Variants in CA10 observed in about 807,000 individuals in gnomAD.
CA10 encodes carbonic anhydrase-related protein 10.
Under a neutral mutation model 44.2 loss-of-function variants are expected in CA10, and 14 were observed. The ratio of observed to expected loss-of-function variants is 0.32; its 90% confidence interval spans 0.21 to 0.50. CA10 has a LOEUF of 0.50. Among genes scored for constraint, CA10 ranks in the 20% least tolerant of loss-of-function variants. The pLI is 0.99. For missense variants in CA10, 350 were observed against 409.7 expected (o/e 0.85, Z 1.26); for synonymous variants, 159 against 141.6 (o/e 1.12, Z -0.87).
At chr17:52,109,422 A>G (rs1988743008) in intron 1 of CA10, among the ~76,000 whole-genome samples, 1 of 152,228 alleles carries the variant, frequency 6.6e-6, no homozygotes, top group Non-Finnish European at 1.5e-5. Context: ...TTTGAGTTTG[A>G]TTCTGCACTA....
At chr17:51,931,311 T>A (rs1309117966) in intron 2 of CA10, among the ~76,000 whole-genome samples, 179 bp from the exon 3 acceptor site, 1 of 152,148 alleles carries the variant, frequency 6.6e-6, no homozygotes, top group African/African-American at 2.4e-5. Flanking sequence ...TCCACTTCTC[T>A]AAGTCTTACC....
chr17:51,867,553 C>T (rs995635580), intron 3 of CA10, among the ~76,000 whole-genome samples: 11 of 152,112 alleles, frequency 7.2e-5, no homozygotes, highest in Admixed American at 2.0e-4. Flanking sequence ...AGAATTAAAG[C>T]GATGTTGCAG....
At chr17:51,720,618 A>G (rs1325968477) in intron 4 of CA10, among the ~76,000 whole-genome samples, 2 of 152,214 alleles carry the variant, frequency 1.3e-5, no homozygotes, top group African/African-American at 2.4e-5. Flanking sequence ...TTGCAACAAC[A>G]TGGATGGAAC....
Position 51,653,628 on chromosome 17 carries a change from G to A in CA10, c.561+13C>T, listed in dbSNP as rs374627558. ...GGGATGGTGAGAAGAATGAAGGAAT[G>A]CAAGAGACTTACTTTTATAAATATA... On this transcript the variant is annotated intron_variant, in intron 5 of 8. Coordinates refer to ENST00000451037, the MANE Select transcript of CA10 (RefSeq NM_020178.5). The A allele has an allele frequency of 2.2e-6, 3 of 1,366,566 alleles. No homozygotes were observed. Among genetic ancestry groups the A allele is most frequent in the Admixed American group, 1.7e-5 (1 of 59,702 alleles). 84.7% of individuals were successfully genotyped at this position (1,366,566 alleles called of 1,614,324 possible).
intron 3 of CA10, among the ~76,000 whole-genome samples, chr17:51,872,351 T>C (rs1257336650): frequency 3.3e-5 from 5 of 152,140 alleles, no homozygotes; most frequent in Non-Finnish European, 7.3e-5. Context: ...TAAAAGTTTG[T>C]CTCTCCTTCG....
intron 1 of CA10, chr17:52,135,072 C>A: frequency 2.2e-6 from 1 of 447,902 alleles, no homozygotes; most frequent in Non-Finnish European, 4.5e-6. Context: ...AAAATGGAAT[C>A]CTAAGCCCCC....
At chr17:52,070,662 GAA>G (rs1266655317) in intron 2 of CA10, 2 of 152,130 alleles carry the variant, frequency 1.3e-5, no homozygotes, top group South Asian at 2.1e-4. Context: ...TGAGAGTGAG[GAA>G]AAGTTATTTT....
chr17:51,648,967 C>T (rs1365033017), intron 6 of CA10, among the ~76,000 whole-genome samples: 2 of 151,082 alleles, frequency 1.3e-5, no homozygotes, highest in Admixed American at 1.4e-4. Context: ...TAATCATTAT[C>T]ACCTTAGGCA....
At position 51,959,271 on chromosome 17, in the gene CA10, G is replaced by GCTCT. The variant is rs1344275121; in HGVS notation, c.137-28143_137-28140dup. On this transcript the variant is annotated intron_variant, in intron 2 of 8. Transcript: ENST00000451037. ...CTAGGTTCCTATTGTTCTCTCTCTC[G>GCTCT]CTCTCTCTCTCTGTGTGTGTGTGTG... Among the ~76,000 whole-genome samples the GCTCT allele has an allele frequency of 7.1e-3, 365 of 51,756 alleles. 1 individual carries two copies. The highest frequency in any genetic ancestry group is 0.018 in the African/African-American group (320 of 17,454). 34.0% of individuals were successfully genotyped at this position (51,756 alleles called of 152,430 possible).
chr17:52,075,030 G>A (rs1263951399), intron 1 of CA10, among the ~76,000 whole-genome samples: 1 of 152,152 alleles, frequency 6.6e-6, no homozygotes, highest in Non-Finnish European at 1.5e-5. Flanking sequence ...GAGTGGAATA[G>A]TTATGACAGA....
chr17:51,646,826 T>C (rs557090738), intron 6 of CA10, among the ~76,000 whole-genome samples: 20 of 152,320 alleles, frequency 1.3e-4, no homozygotes, highest in African/African-American at 4.1e-4. Flanking sequence ...GTCAGGGTCA[T>C]TCTCATGAAT....
Position 52,072,443 on chromosome 17 carries a change from G to A in CA10, c.62-50C>T, listed in dbSNP as rs115261625. On this transcript the variant is annotated intron_variant, in intron 1 of 8. Coordinates refer to ENST00000451037, the MANE Select transcript of CA10 (RefSeq NM_020178.5). ...ATTAAGATGATAGCAGAGAAGCACT[G>A]TGTCCCGGCTGTCCGAGTAAGAAGG... 1.9e-3 allele frequency: 2,590 copies of A among 1,357,700 alleles called. 42 individuals are homozygous for A. The African/African-American group carries it at 0.029, about 15-fold the overall frequency. The allele number at this position is 1,357,700 out of a possible 1,614,324, so 84.1% of individuals were successfully genotyped here. A position where few individuals can be genotyped will look rare whatever the true frequency, so the allele number is the denominator to read the frequency against.
intron 2 of CA10, among the ~76,000 whole-genome samples, chr17:52,038,519 A>G (rs1349988675): frequency 6.6e-6 from 1 of 152,212 alleles, no homozygotes; most frequent in East Asian, 1.9e-4. Flanking sequence ...ACACTAAAGC[A>G]AGATGTAAAT....
At chr17:51,946,776 C>T (rs1303157223) in intron 2 of CA10, among the ~76,000 whole-genome samples, 1 of 152,138 alleles carries the variant, frequency 6.6e-6, no homozygotes, top group Non-Finnish European at 1.5e-5. Context: ...TGTCTTATAA[C>T]AATAGCAGAA....
At chr17:51,754,884 G>GTT (rs1481560885) in intron 3 of CA10, among the ~76,000 whole-genome samples, 3 of 151,814 alleles carry the variant, frequency 2.0e-5, no homozygotes, top group African/African-American at 4.8e-5. Flanking sequence ...CACATAAAGG[G>GTT]TTATATATAT....
chr17:52,066,531 A>T (rs1220871449), intron 2 of CA10, among the ~76,000 whole-genome samples: 1 of 152,118 alleles, frequency 6.6e-6, no homozygotes, highest in Non-Finnish European at 1.5e-5. Flanking sequence ...GGTTTTATAG[A>T]CGGGAGTTCC....
rs1165778062 is a variant in CA10 at position 51,999,560 on chromosome 17, G to C, written c.137-68428C>G. ...TTCTGCCAGCCTGAGTTGTGAGTGT[G>C]GGGCAGTGACTGGGCCTGCAGCACC... On this transcript the variant is annotated intron_variant, in intron 2 of 8. Coordinates refer to ENST00000451037, the MANE Select transcript of CA10 (RefSeq NM_020178.5). Among the ~76,000 whole-genome samples the C allele has an allele frequency of 2.0e-5, 3 of 152,072 alleles. No individual in the cohort carries two copies. The East Asian group carries it at 5.8e-4, about 30-fold the overall frequency.
rs2214014 is a variant in CA10, at chr17:51,636,775, T to G, written c.635-766A>C. Reference sequence around the variant, plus strand: ...TGGTTAAGCTCAACAACTGATTATTTTGTGTGTGTGTGTGTGTGTGTGTGT... The same window carrying G: ...TGGTTAAGCTCAACAACTGATTATTGTGTGTGTGTGTGTGTGTGTGTGTGT... On this transcript the variant is annotated intron_variant, in intron 6 of 8. Coordinates refer to ENST00000451037, the MANE Select transcript of CA10 (RefSeq NM_020178.5). Among the ~76,000 whole-genome samples, 693 of 146,598 alleles carry G rather than the reference T, an allele frequency of 4.7e-3. 7 individuals are homozygous for G. Among genetic ancestry groups the G allele is most frequent in the Admixed American group, 0.013 (193 of 14,736 alleles).
At chr17:52,130,637 C>A (rs117339814) in intron 1 of CA10, among the ~76,000 whole-genome samples, 2,444 of 152,136 alleles carry the variant, frequency 0.016, 31 homozygotes, top group Non-Finnish European at 0.026. Context: ...TGGTTACTAG[C>A]GACTAGATGG....
Sources: allele counts gnomAD v4.1 joint callset (sites outside exome capture counted in the v4.1 genomes callset), GRCh38; gene constraint gnomAD v4.1.1; transcripts MANE v1.5; gene names NCBI Gene and HGNC (gene_info 2026-07-23, HGNC 2026-07-21).